The following LRP1B variants were observed in gnomAD, a reference collection of about 807,000 sequenced individuals.
The protein encoded by LRP1B is low-density lipoprotein receptor-related protein 1B.
A neutral mutation model predicts 556.6 loss-of-function variants in LRP1B; 217 were observed. That is an observed-to-expected ratio of 0.39 (90% CI 0.35 to 0.44). LRP1B has a LOEUF of 0.44. LRP1B is among the 20% of genes least tolerant of loss of function. The probability of loss-of-function intolerance (pLI) is 1.00; values close to 1 mark genes in which losing one functional copy is unlikely to be tolerated. For synonymous variants in LRP1B, 2,047 were observed against 1,865.8 expected (o/e 1.10, Z -2.50); for missense variants, 5,053 against 5,620.8 (o/e 0.90, Z 3.23).
intron 1 of LRP1B, among the ~76,000 whole-genome samples, chr2:142,078,878 TA>T (rs59093452): frequency 0.48 from 72,685 of 151,338 alleles, 17,931 homozygotes; most frequent in East Asian, 0.69. Flanking sequence ...AGTTGTAATC[TA>T]GATGCTGTAG....
chr2:141,579,746 A>G, intron 2 of LRP1B, among the ~76,000 whole-genome samples: 1 of 34,818 alleles, frequency 2.9e-5, no homozygotes, highest in South Asian at 1.3e-3. Flanking sequence ...TTTTTTTGAG[A>G]CGGAGTGCAG....
intron 2 of LRP1B, among the ~76,000 whole-genome samples, chr2:141,639,503 G>A (rs1028301493): frequency 8.7e-5 from 13 of 149,012 alleles, no homozygotes; most frequent in African/African-American, 3.0e-4. Context: ...TGCAACCTCT[G>A]TATAGCCATA....
At chr2:140,993,474 C>T (rs1396016910) in intron 16 of LRP1B, among the ~76,000 whole-genome samples, 1 of 152,004 alleles carries the variant, frequency 6.6e-6, no homozygotes, top group African/African-American at 2.4e-5. Context: ...GAAAGTCAAA[C>T]ATTGATTTCT....
At chr2:140,547,764 T>C (rs1340691964) in intron 43 of LRP1B, among the ~76,000 whole-genome samples, 3 of 152,114 alleles carry the variant, frequency 2.0e-5, no homozygotes, top group Non-Finnish European at 4.4e-5. Context: ...CCAAGAGAGC[T>C]TGGTAATCAG....
intron 27 of LRP1B, among the ~76,000 whole-genome samples, chr2:140,862,141 C>T (rs1692817133): frequency 6.6e-6 from 1 of 152,092 alleles, no homozygotes; most frequent in Non-Finnish European, 1.5e-5. Context: ...CAACTGTATC[C>T]CAGAAGTATC....
intron 79 of LRP1B, among the ~76,000 whole-genome samples, chr2:140,331,034 T>C (rs1680782958): frequency 6.6e-6 from 1 of 152,098 alleles, no homozygotes; most frequent in Admixed American, 6.6e-5. Context: ...ACTACAATAG[T>C]ATTTCATACT....
chr2:141,060,316 T>C (rs879775355), intron 8 of LRP1B, among the ~76,000 whole-genome samples: 3 of 151,786 alleles, frequency 2.0e-5, no homozygotes, highest in Admixed American at 1.3e-4. Flanking sequence ...TTCCATGTTA[T>C]AGCCCGAATA....
chr2:140,891,770 A>G (rs1693805962), intron 23 of LRP1B, among the ~76,000 whole-genome samples: 1 of 152,198 alleles, frequency 6.6e-6, no homozygotes, highest in Non-Finnish European at 1.5e-5. Context: ...TGAACTTTCA[A>G]GTATTGTTCA....
intron 2 of LRP1B, among the ~76,000 whole-genome samples, chr2:141,731,224 T>C (rs1693261032): frequency 6.6e-6 from 1 of 152,050 alleles, no homozygotes; most frequent in African/African-American, 2.4e-5. Context: ...GCCCCCAAAT[T>C]AAAATTTCCC....
rs547230759 is a variant in LRP1B, at chr2:141,021,554, T to C, written c.1790-1452A>G. ...CTATTCTGGTATAATGGAATGAGAG[T>C]AGTTATTTACCCTTTTCTATTTATT... On this transcript the variant is annotated intron_variant, in intron 11 of 90. Coordinates refer to ENST00000389484, the MANE Select transcript of LRP1B (RefSeq NM_018557.3). Among the ~76,000 whole-genome samples, 6 of 152,098 alleles carry C rather than the reference T, an allele frequency of 3.9e-5. No individual in the cohort carries two copies. The East Asian group carries it at 1.2e-3, about 29-fold the overall frequency.
chr2:141,009,574 T>C (rs918554195), intron 14 of LRP1B, among the ~76,000 whole-genome samples: 2 of 151,930 alleles, frequency 1.3e-5, no homozygotes, highest in African/African-American at 4.8e-5. Context: ...AAAATGTAGT[T>C]ATGATGGTCC....
intron 2 of LRP1B, among the ~76,000 whole-genome samples, chr2:141,584,856 A>C (rs1687081108): frequency 6.6e-6 from 1 of 152,144 alleles, no homozygotes; most frequent in African/African-American, 2.4e-5. Context: ...ATTCATAGAG[A>C]CAGACAGTAG....
At chr2:142,023,300 C>G (rs1451940605) in intron 1 of LRP1B, among the ~76,000 whole-genome samples, 1 of 152,200 alleles carries the variant, frequency 6.6e-6, no homozygotes, top group Non-Finnish European at 1.5e-5. Flanking sequence ...TCTATGACTA[C>G]TTTCCACATA....
At position 140,989,660 on chromosome 2, in the gene LRP1B, G is replaced by T. The variant is rs2105353108; in HGVS notation, c.2645-3C>A. On this transcript the variant is annotated splice_polypyrimidine_tract_variant and splice_region_variant and intron_variant, in intron 16 of 90. Transcript: ENST00000389484. ...ATCATCAGGACAGCTATGATTGACTGGGAGGGAGGGGGAAGCAAGATTAAT... is the reference window on the plus strand; with the variant it reads ...ATCATCAGGACAGCTATGATTGACTTGGAGGGAGGGGGAAGCAAGATTAAT... 1 of 1,611,720 alleles carries T rather than the reference G, an allele frequency of 6.2e-7. No homozygotes were observed. The highest frequency in any genetic ancestry group is 1.1e-5 in the South Asian group (1 of 90,914).
At chr2:141,260,023 C>A (rs1037459668) in intron 3 of LRP1B, among the ~76,000 whole-genome samples, 1 of 152,030 alleles carries the variant, frequency 6.6e-6, no homozygotes, top group Non-Finnish European at 1.5e-5. Context: ...ACATTAGAAG[C>A]GTTTTCTCTT....
chr2:141,920,318 T>C (rs1473311816), intron 1 of LRP1B, among the ~76,000 whole-genome samples: 1 of 151,056 alleles, frequency 6.6e-6, no homozygotes. Flanking sequence ...TTTCAAACTT[T>C]AATAACAGTC....
At chr2:141,023,653 T>C (rs1698132612) in intron 11 of LRP1B, among the ~76,000 whole-genome samples, 1 of 151,998 alleles carries the variant, frequency 6.6e-6, no homozygotes, top group East Asian at 1.9e-4. Flanking sequence ...CTTTTTAAAA[T>C]GGGTCCATGA....
At chr2:140,502,942 G>T (rs2104895357) in intron 54 of LRP1B, 21 bp downstream of exon 54, 5 of 1,610,506 alleles carry the variant, frequency 3.1e-6, no homozygotes, top group Non-Finnish European at 4.2e-6. Flanking sequence ...AGTAAATGCG[G>T]TATTGTATAT....
At chr2:141,905,992 A>ATG (rs10588603) in intron 1 of LRP1B, among the ~76,000 whole-genome samples, 5,102 of 140,216 alleles carry the variant, frequency 0.036, 94 homozygotes, top group South Asian at 0.05. Context: ...TAGACAAGAG[A>ATG]TGTGTGTGTG....
Sources: gnomAD v4.1 joint callset for allele counts (sites outside exome capture counted in the v4.1 genomes callset) on GRCh38, gnomAD v4.1.1 for gene constraint, MANE v1.5 for transcripts, NCBI Gene and HGNC (gene_info 2026-07-23, HGNC 2026-07-21) for gene names.